Variants in AHCYL2 observed in about 807,000 individuals in gnomAD.
The protein encoded by AHCYL2 is adenosylhomocysteinase like 2.
In AHCYL2, 28 loss-of-function variants were observed where a neutral mutation model predicts 81.4. That is an observed-to-expected ratio of 0.34 (90% CI 0.25 to 0.47). The LOEUF (loss-of-function observed/expected upper bound fraction) is 0.47, where lower values mean the gene tolerates loss of function less well. Among genes scored for constraint, AHCYL2 ranks in the 20% least tolerant of loss-of-function variants. The pLI is 1.00. For synonymous variants in AHCYL2, 272 were observed against 290.2 expected, an observed-to-expected ratio of 0.94 and a Z score of 0.64; for missense variants, 551 against 785.1, an observed-to-expected ratio of 0.70 and a Z score of 3.56.
chr7:129,295,962 A>G (rs1409307864), intron 1 of AHCYL2, among the ~76,000 whole-genome samples: 1 of 152,222 alleles, frequency 6.6e-6, no homozygotes, highest in East Asian at 1.9e-4. Flanking sequence ...CTCTGCGTTT[A>G]TACTGTTACC....
intron 1 of AHCYL2, among the ~76,000 whole-genome samples, chr7:129,237,365 C>T (rs1467489100): frequency 6.6e-6 from 1 of 152,052 alleles, no homozygotes; most frequent in African/African-American, 2.4e-5. Context: ...GGTTTGTTCT[C>T]TGATTGTTTC....
At chr7:129,289,794 T>G (rs1303346034) in intron 1 of AHCYL2, among the ~76,000 whole-genome samples, 2 of 151,922 alleles carry the variant, frequency 1.3e-5, no homozygotes, top group Non-Finnish European at 2.9e-5. Context: ...TCTTTCTTTT[T>G]TTTTTTGAGA....
chr7:129,428,962 G>T lies in AHCYL2; in HGVS notation c.*1917G>T, dbSNP rs1163359058. The T allele has an allele frequency of 1.3e-5, 2 of 152,124 alleles. No individual in the cohort carries two copies. Among genetic ancestry groups the T allele is most frequent in the African/African-American group, 4.8e-5 (2 of 41,394 alleles). The allele number at this position is 152,124 out of a possible 1,614,324, so 9.4% of individuals were successfully genotyped here. ...GTATTAATTGGTTCCCTTTAGCAAG[G>T]GATTCAGATCTTTGTACCTTATCTT... is the stretch of plus-strand genomic sequence containing the variant. On this transcript the variant is annotated 3_prime_UTR_variant, in exon 17 of 17. Transcript: ENST00000325006.
intron 1 of AHCYL2, among the ~76,000 whole-genome samples, chr7:129,300,256 TACC>T (rs1188146535): frequency 6.6e-6 from 1 of 152,140 alleles, no homozygotes; most frequent in Admixed American, 6.6e-5. Context: ...TGGTTTTTTG[TACC>T]CATGAGCCAT....
chr7:129,227,989 G>T (rs1417835841), intron 1 of AHCYL2, among the ~76,000 whole-genome samples: 1 of 152,186 alleles, frequency 6.6e-6, no homozygotes, highest in African/African-American at 2.4e-5. Flanking sequence ...GCCCAAGACT[G>T]CCCTTTCCCT....
intron 12 of AHCYL2, among the ~76,000 whole-genome samples, chr7:129,415,712 A>T (rs1796811771): frequency 3.3e-5 from 5 of 152,098 alleles, no homozygotes; most frequent in Non-Finnish European, 1.5e-5. Context: ...GCACTTTGGG[A>T]GGCCAAGGCG....
intron 1 of AHCYL2, among the ~76,000 whole-genome samples, chr7:129,262,497 T>C (rs867967524): frequency 1.3e-5 from 2 of 152,220 alleles, no homozygotes; most frequent in Admixed American, 6.5e-5. Flanking sequence ...GCGCATCCTC[T>C]GTAGACTGGC....
intron 1 of AHCYL2, among the ~76,000 whole-genome samples, chr7:129,291,045 TA>T (rs1733085302): frequency 6.6e-6 from 1 of 152,068 alleles, no homozygotes; most frequent in Non-Finnish European, 1.5e-5. Context: ...TATTAAAATA[TA>T]AAAAAAGGAG....
chr7:129,370,441 A>T (rs1387298818), intron 1 of AHCYL2, among the ~76,000 whole-genome samples: 22 of 152,320 alleles, frequency 1.4e-4, no homozygotes, highest in South Asian at 2.1e-4. Context: ...TCACGCCTGT[A>T]ATCCCAGCAC....
chr7:129,276,332 GA>G (rs1263608988), intron 1 of AHCYL2, among the ~76,000 whole-genome samples: 1 of 149,140 alleles, frequency 6.7e-6, no homozygotes, highest in African/African-American at 2.5e-5. Context: ...GCTTATATTA[GA>G]AAAAAAACAG....
chr7:129,225,258 C>A lies in AHCYL2; in HGVS notation c.182C>A (p.Pro61Gln). The A allele has an allele frequency of 6.9e-7, 1 of 1,456,692 alleles. No individual in the cohort carries two copies. Among genetic ancestry groups the A allele is most frequent in the Non-Finnish European group, 9.0e-7 (1 of 1,113,804 alleles). The allele number at this position is 1,456,692 out of a possible 1,614,324, so 90.2% of individuals were successfully genotyped here. A position where few individuals can be genotyped will look rare whatever the true frequency, so the allele number is the denominator to read the frequency against. ...EAPAPAAERP[P>Q]VPGPGSGPAA... ...CCAGCTCCCGCCGCGGAGCGGCCCCCGGTCCCCGGCCCGGGCTCGGGGCCC... is the reference window on the plus strand; with the variant it reads ...CCAGCTCCCGCCGCGGAGCGGCCCCAGGTCCCCGGCCCGGGCTCGGGGCCC... Residue 61 changes from proline (P) to glutamine (Q), a missense_variant, in exon 1 of 17, where the codon CCG becomes CAG. Transcript: ENST00000325006.
intron 2 of AHCYL2, 30 bp downstream of exon 2, chr7:129,379,779 G>C: frequency 6.4e-7 from 1 of 1,572,382 alleles, no homozygotes; most frequent in Non-Finnish European, 8.7e-7. Flanking sequence ...GGACCCAGCT[G>C]TTGAGGCTAA....
chr7:129,358,629 G>A (rs913448961), intron 1 of AHCYL2, among the ~76,000 whole-genome samples: 1 of 152,168 alleles, frequency 6.6e-6, no homozygotes, highest in Non-Finnish European at 1.5e-5. Context: ...TGGGTATAGA[G>A]TTGCAGTTTG....
chr7:129,290,637 A>G (rs953877128), intron 1 of AHCYL2, among the ~76,000 whole-genome samples: 3 of 152,048 alleles, frequency 2.0e-5, no homozygotes, highest in Admixed American at 2.0e-4. Context: ...ATGTTTTTTA[A>G]AAAGTGAATG....
chr7:129,250,337 T>C (rs898514368), intron 1 of AHCYL2, among the ~76,000 whole-genome samples: 7 of 152,232 alleles, frequency 4.6e-5, no homozygotes, highest in African/African-American at 1.4e-4. Flanking sequence ...TTCAATTCTT[T>C]TGGATATATA....
chr7:129,316,898 C>T (rs945710744), intron 1 of AHCYL2, among the ~76,000 whole-genome samples: 2 of 152,182 alleles, frequency 1.3e-5, no homozygotes, highest in African/African-American at 4.8e-5. Context: ...AACATATATC[C>T]TTGAGTCGGG....
chr7:129,313,381 ATGTAGATTTAT>A (rs1209829642), intron 1 of AHCYL2, among the ~76,000 whole-genome samples: 1 of 152,182 alleles, frequency 6.6e-6, no homozygotes, highest in Non-Finnish European at 1.5e-5. Context: ...GATTTGGGCA[ATGTAGATTTAT>A]TGCTTATTGT....
At chr7:129,242,838 C>T (rs556390821) in intron 1 of AHCYL2, among the ~76,000 whole-genome samples, 34 of 151,928 alleles carry the variant, frequency 2.2e-4, no homozygotes, top group Middle Eastern at 3.2e-3. Context: ...TATGTGGTGT[C>T]GTCAGACATT....
Position 129,331,432 on chromosome 7 carries a change from G to A in AHCYL2, c.364-48206G>A, listed in dbSNP as rs188251008. 5.5e-3 allele frequency among the ~76,000 whole-genome samples: 844 copies of A among 152,250 alleles called. 11 individuals carry two copies. Among genetic ancestry groups the A allele is most frequent in the African/African-American group, 0.02 (814 of 41,552 alleles). ...CTGACAATAAAGGATTTTAAATAAA[G>A]TAGGATACATTTATTCAGTGGACTA... is the stretch of plus-strand genomic sequence containing the variant. On this transcript the variant is annotated intron_variant, in intron 1 of 16. Transcript: ENST00000325006.
Sources: allele counts gnomAD v4.1 joint callset (sites outside exome capture counted in the v4.1 genomes callset), GRCh38; gene constraint gnomAD v4.1.1; transcripts MANE v1.5; gene names NCBI Gene and HGNC (gene_info 2026-07-23, HGNC 2026-07-21).